Variants in SMIM35 observed in about 807,000 individuals in gnomAD.
SMIM35 encodes the protein small integral membrane protein 35.
At chr11:118,039,375 C>T (rs1029113456) in intron 1 of SMIM35, among the ~76,000 whole-genome samples, 1 of 152,052 alleles carries the variant, frequency 6.6e-6, no homozygotes, top group Non-Finnish European at 1.5e-5. Context: ...TTTCCCTGGC[C>T]CAGGAGTTCT....
In SMIM35 at chr11:118,022,032, C is replaced by CTT. The variant is rs761119844; in HGVS notation, c.8-6225_8-6224dup. Among the ~76,000 whole-genome samples, 389 of 120,630 alleles carry CTT rather than the reference C, an allele frequency of 3.2e-3. 10 individuals carry two copies. Among genetic ancestry groups the CTT allele is most frequent in the East Asian group, 0.028 (105 of 3,788 alleles). 79.1% of individuals were successfully genotyped at this position (120,630 alleles called of 152,430 possible). A position where few individuals can be genotyped will look rare whatever the true frequency, so the allele number is the denominator to read the frequency against. On this transcript the variant is annotated intron_variant, in intron 1 of 4. Transcript: ENST00000689828. Reference sequence around the variant, plus strand: ...TATGCTAAACCATAAAACAATAAGTCTTTTTTTTTTTTTTTTTTTTGAGAT... The same window carrying CTT: ...TATGCTAAACCATAAAACAATAAGTCTTTTTTTTTTTTTTTTTTTTTTGAGAT...
chr11:118,074,756 A>C (rs1429790261), intron 1 of SMIM35, among the ~76,000 whole-genome samples: 4 of 151,632 alleles, frequency 2.6e-5, no homozygotes, highest in Admixed American at 2.0e-4. Flanking sequence ...CAGAAAAAAA[A>C]AAAAAAAAAG....
At chr11:118,060,434 C>T (rs944203085) in intron 1 of SMIM35, among the ~76,000 whole-genome samples, 5 of 152,246 alleles carry the variant, frequency 3.3e-5, no homozygotes, top group African/African-American at 1.2e-4. Context: ...CTACTGGCAT[C>T]GGAAGGCATG....
intron 1 of SMIM35, among the ~76,000 whole-genome samples, chr11:118,020,399 G>A (rs189117052): frequency 3.3e-5 from 5 of 152,248 alleles, no homozygotes; most frequent in Admixed American, 6.5e-5. Flanking sequence ...TTGGGAATTC[G>A]TTTTTCAAGG....
intron 1 of SMIM35, among the ~76,000 whole-genome samples, chr11:118,051,107 G>A (rs2135101495): frequency 6.6e-6 from 1 of 152,352 alleles, no homozygotes; most frequent in Non-Finnish European, 1.5e-5. Context: ...AGCCAAGAAA[G>A]GACCAGTGGA....
intron 1 of SMIM35, among the ~76,000 whole-genome samples, chr11:118,024,692 C>T (rs961049059): frequency 8.5e-5 from 13 of 152,098 alleles, no homozygotes; most frequent in African/African-American, 3.1e-4. Flanking sequence ...AGGCTGGTGT[C>T]GAACTCCTGA....
intron 4 of SMIM35, among the ~76,000 whole-genome samples, chr11:118,009,916 G>A (rs2058141891): frequency 6.6e-6 from 1 of 152,160 alleles, no homozygotes; most frequent in African/African-American, 2.4e-5. Flanking sequence ...ACTACATTCA[G>A]TTCTCATCCT....
intron 1 of SMIM35, among the ~76,000 whole-genome samples, chr11:118,069,504 A>C (rs1944537487): frequency 6.6e-6 from 1 of 152,180 alleles, no homozygotes; most frequent in Admixed American, 6.5e-5. Context: ...TTTGCCAGTC[A>C]CTGTGCTGGT....
At chr11:118,036,351 G>A (rs1446886003) in intron 1 of SMIM35, among the ~76,000 whole-genome samples, 1 of 152,184 alleles carries the variant, frequency 6.6e-6, no homozygotes, top group Non-Finnish European at 1.5e-5. Context: ...TTTTCAGCCA[G>A]TTTGTTAAAC....
intron 1 of SMIM35, among the ~76,000 whole-genome samples, chr11:118,062,124 G>A (rs1410197027): frequency 1.3e-5 from 2 of 152,224 alleles, no homozygotes; most frequent in African/African-American, 4.8e-5. Flanking sequence ...GAGGTCAGGA[G>A]TTCAAGACCA....
intron 1 of SMIM35, among the ~76,000 whole-genome samples, chr11:118,044,891 C>G (rs1188773102): frequency 1.3e-5 from 2 of 151,852 alleles, no homozygotes; most frequent in Non-Finnish European, 2.9e-5. Context: ...ACATCTCTAG[C>G]TTTTAGATTA....
chr11:118,013,165 C>T (rs1209925716), intron 4 of SMIM35, among the ~76,000 whole-genome samples: 4 of 152,172 alleles, frequency 2.6e-5, no homozygotes, highest in Non-Finnish European at 5.9e-5. Flanking sequence ...CCTCATTCTC[C>T]ACAATGAGGG....
rs923389758 is a variant in SMIM35 at position 118,013,790 on chromosome 11, C to G, written c.249G>C (p.Gly83=). The change falls in exon 4 of 5, where the codon GGG becomes GGC. Residue 83 remains glycine, a synonymous_variant. Coordinates refer to ENST00000689828, the MANE Select transcript of SMIM35 (RefSeq NM_001394165.1). ...TDGGYMKFSN[G]LV is the part of the protein sequence containing the mutation. ...AGTTGCTGTCTCTGCATCAGACTAG[C>G]CCGTTGGAGAACTTCATGTAGCCAC... 11 of 398,980 alleles carry G rather than the reference C, an allele frequency of 2.8e-5. No individual in the cohort carries two copies. Among genetic ancestry groups the G allele is most frequent in the Non-Finnish European group, 4.9e-5 (11 of 226,112 alleles). The allele number at this position is 398,980 out of a possible 1,614,324, so 24.7% of individuals were successfully genotyped here.
intron 1 of SMIM35, among the ~76,000 whole-genome samples, chr11:118,058,627 G>T (rs1944350316): frequency 2.0e-5 from 3 of 152,200 alleles, no homozygotes; most frequent in African/African-American, 7.2e-5. Context: ...GGAACTCAGG[G>T]CAGGTGCCTC....
chr11:118,083,389 G>A (rs560028554), intron 1 of SMIM35, among the ~76,000 whole-genome samples: 2 of 152,122 alleles, frequency 1.3e-5, no homozygotes, highest in African/African-American at 4.8e-5. Flanking sequence ...CATCACCTCC[G>A]GTCCCAACTG....
chr11:118,015,926 C>T (rs930686730), intron 1 of SMIM35, 117 bp from the exon 2 acceptor site: 5 of 397,930 alleles, frequency 1.3e-5, no homozygotes, highest in African/African-American at 8.2e-5. Flanking sequence ...CCCCTGGGAG[C>T]CTTGCTCTGA....
At chr11:118,078,605 C>A (rs1043382293) in intron 1 of SMIM35, among the ~76,000 whole-genome samples, 1 of 152,150 alleles carries the variant, frequency 6.6e-6, no homozygotes, top group Non-Finnish European at 1.5e-5. Context: ...GACGCTGTAT[C>A]CCCTGGGGCT....
chr11:118,031,995 A>T (rs76403027), intron 1 of SMIM35: 1 of 151,898 alleles, frequency 6.6e-6, no homozygotes, highest in Non-Finnish European at 1.5e-5. Context: ...AAAAAAAAAA[A>T]TTAGCTGGGT....
intron 4 of SMIM35, among the ~76,000 whole-genome samples, chr11:118,010,379 TTCGCCTCCCAGCCTCA>T (rs1412031543): frequency 1.1e-4 from 17 of 152,178 alleles, no homozygotes; most frequent in Non-Finnish European, 1.5e-5. Context: ...AAGCTCCCTC[TTCGCCTCCCAGCCTCA>T]TCATGATTTT....
Sources: gnomAD v4.1 joint callset for allele counts (sites outside exome capture counted in the v4.1 genomes callset) on GRCh38, gnomAD v4.1.1 for gene constraint, MANE v1.5 for transcripts, NCBI Gene and HGNC (gene_info 2026-07-23, HGNC 2026-07-21) for gene names.